DNAH5: variants seen among roughly 807,000 people sequenced by gnomAD.
DNAH5 encodes the protein dynein axonemal heavy chain 5, also known as axonemal beta dynein heavy chain 5.
In DNAH5, 372 loss-of-function variants were observed where a neutral mutation model predicts 518.2. The ratio of observed to expected loss-of-function variants is 0.72; its 90% CI spans 0.66 to 0.78. DNAH5 has a LOEUF of 0.78. DNAH5 is among the 30% of genes least tolerant of loss of function. The pLI is 0.00. For synonymous variants in DNAH5, 2,039 were observed against 2,025.9 expected (o/e 1.01, Z -0.17); for missense variants, 5,523 against 5,687.0 (o/e 0.97, Z 0.93).
At position 13,963,063 on chromosome 5, in the gene DNAH5, T is replaced by C. The variant is rs555559429; in HGVS notation, c.13-31819A>G. ...GCCACCTTCTCCCTCTCCCTGTGTT[T>C]ATACTGTTCCTATCACTGCTTGGAT... On this transcript the variant is annotated intron_variant, in intron 1 of 78. Transcript: ENST00000681290. 5.7e-4 allele frequency among the ~76,000 whole-genome samples: 86 copies of C among 152,196 alleles called. 1 individual carries two copies. The South Asian group carries it at 0.014, about 25-fold the overall frequency.
At chr5:13,966,712 A>AT (rs1311732280) in intron 1 of DNAH5, among the ~76,000 whole-genome samples, 3 of 151,470 alleles carry the variant, frequency 2.0e-5, no homozygotes, top group Non-Finnish European at 4.4e-5. Flanking sequence ...GGATTGTTTG[A>AT]TTTTTTCTTG....
chr5:13,760,834 G>T (rs9688229), intron 60 of DNAH5, among the ~76,000 whole-genome samples: 46,821 of 151,984 alleles, frequency 0.31, 7,721 homozygotes, highest in South Asian at 0.44. Flanking sequence ...AGTTAAAGTC[G>T]TAGGTCTGAA....
chr5:13,898,192 C>T (rs1774149973), intron 15 of DNAH5: 1 of 174,534 alleles, frequency 5.7e-6, no homozygotes, highest in Admixed American at 6.3e-5. Flanking sequence ...TATGCAAGCC[C>T]CACTCAAGTT....
chr5:13,807,575 A>T lies in DNAH5; in HGVS notation c.7887+16T>A, dbSNP rs1759818770. The T allele has an allele frequency of 6.2e-7, 1 of 1,612,722 alleles. No homozygotes were observed. The highest frequency in any genetic ancestry group is 1.7e-5 in the Admixed American group (1 of 59,972). ...CACAAAATTGGGCTTACTGAGCCAT[A>T]CCAAAGAGCCAGTACCTGGAACATC... On this transcript the variant is annotated intron_variant, in intron 47 of 78. Coordinates refer to ENST00000265104, the MANE Select transcript of DNAH5 (RefSeq NM_001369.3).
intron 51 of DNAH5, among the ~76,000 whole-genome samples, chr5:13,788,025 A>G (rs1347077959): frequency 6.6e-6 from 1 of 152,198 alleles, no homozygotes; most frequent in African/African-American, 2.4e-5. Flanking sequence ...AACTAAGCCT[A>G]GTTACTTCTG....
Position 13,716,352 on chromosome 5 carries a change from C to A in DNAH5, c.12909+135G>T, listed in dbSNP as rs112104793. On this transcript the variant is annotated intron_variant, in intron 74 of 78. Coordinates refer to ENST00000265104, the MANE Select transcript of DNAH5 (RefSeq NM_001369.3). ...ATTGAGTATAAAAATATGAAGAAAG[C>A]CTTCACAGCAAAAGCATTAGTATAT... The A allele has an allele frequency of 2.5e-3, 1,756 of 689,032 alleles. 19 individuals are homozygous for A. The African/African-American group carries it at 0.028, about 11-fold the overall frequency. 42.7% of individuals were successfully genotyped at this position (689,032 alleles called of 1,614,324 possible). A position where few individuals can be genotyped will look rare whatever the true frequency, so the allele number is the denominator to read the frequency against.
chr5:13,957,778 A>G (rs1780863265), intron 1 of DNAH5, among the ~76,000 whole-genome samples: 1 of 151,688 alleles, frequency 6.6e-6, no homozygotes, highest in Non-Finnish European at 1.5e-5. Flanking sequence ...CTTTAAGATC[A>G]TTAACTGCTT....
intron 47 of DNAH5, among the ~76,000 whole-genome samples, chr5:13,795,240 C>T (rs1021811972): frequency 1.3e-5 from 2 of 151,970 alleles, no homozygotes; most frequent in South Asian, 4.2e-4. Context: ...AAAAACCCTT[C>T]AGAAATCAAT....
Position 13,718,967 on chromosome 5 carries a change from A to G in DNAH5, c.12414T>C (p.Phe4138=), listed in dbSNP as rs754273700. 9.3e-6 allele frequency: 15 copies of G among 1,614,054 alleles called. No homozygotes were observed. The African/African-American group carries it at 1.7e-4, about 19-fold the overall frequency. Residue 4138 remains phenylalanine (F), a synonymous_variant, in exon 72 of 79, where the codon TTT becomes TTC. Transcript: ENST00000265104. The part of the protein sequence containing the change: ...LWMTTEAHKQ[F]PITLLQMSIK... ...TGGACATCTGAAGGAGTGTAATGGG[A>G]AACTGCTTATGAGCCTCGGTGGTCA...
At chr5:13,711,247 A>G (rs904015222) in intron 75 of DNAH5, among the ~76,000 whole-genome samples, 5 of 152,238 alleles carry the variant, frequency 3.3e-5, no homozygotes, top group African/African-American at 1.2e-4. Context: ...CACCACATAA[A>G]CAGAATTAAA....
Position 13,707,954 on chromosome 5 carries a change from A to G in DNAH5, c.13338+169T>C, listed in dbSNP as rs76804487. ...ACCTGATTCGTGGGATTTGCTAAAA[A>G]AAAACTTCCTTCCCTACCTATGGTC... On this transcript the variant is annotated intron_variant, in intron 76 of 78. Transcript: ENST00000265104. The surrounding 1 kb of genome is among the most constrained non-coding windows in gnomAD (Gnocchi z 4.0). Among the ~76,000 whole-genome samples, 296 of 152,336 alleles carry G rather than the reference A, an allele frequency of 1.9e-3. No individual in the cohort carries two copies. Among genetic ancestry groups the G allele is most frequent in the Non-Finnish European group, 3.5e-3 (239 of 68,026 alleles).
At chr5:13,780,202 A>C (rs745465089) in intron 53 of DNAH5, among the ~76,000 whole-genome samples, 1 of 152,208 alleles carries the variant, frequency 6.6e-6, no homozygotes, top group Non-Finnish European at 1.5e-5. Context: ...TTCTCCAGGA[A>C]GTCTTTTCTA....
intron 42 of DNAH5, among the ~76,000 whole-genome samples, chr5:13,817,063 A>C (rs1761540968): frequency 6.6e-6 from 1 of 151,876 alleles, no homozygotes. Context: ...CTGAACACCA[A>C]TGTCCATCTA....
intron 68 of DNAH5, among the ~76,000 whole-genome samples, chr5:13,732,510 G>A (rs1357950173): frequency 2.6e-5 from 4 of 152,234 alleles, no homozygotes; most frequent in African/African-American, 9.6e-5. Flanking sequence ...GGGACTACAG[G>A]TGTGAGCCAC....
intron 68 of DNAH5, among the ~76,000 whole-genome samples, chr5:13,733,375 A>G (rs191760009): frequency 1.2e-4 from 19 of 152,348 alleles, no homozygotes; most frequent in Non-Finnish European, 2.4e-4. Context: ...CTATGTGGAA[A>G]TACATTTCAT....
intron 23 of DNAH5, 42 bp from the exon 24 acceptor site, chr5:13,871,044 G>A (rs778923986): frequency 4.7e-6 from 7 of 1,474,516 alleles, no homozygotes; most frequent in Admixed American, 3.5e-5. Context: ...TTAAAAACTC[G>A]AATCAGTACG....
chr5:13,729,725 T>C lies in DNAH5; in HGVS notation c.11762-165A>G, dbSNP rs114301564. 2.4e-3 allele frequency among the ~76,000 whole-genome samples: 366 copies of C among 152,300 alleles called. 1 individual carries two copies. Among genetic ancestry groups the C allele is most frequent in the African/African-American group, 8.6e-3 (358 of 41,570 alleles). ...AAACATGCAACATTTAATAAATCAA[T>C]AGATAATTTTAGAAAAAACTCATTT... is the stretch of plus-strand genomic sequence containing the variant. On this transcript the variant is annotated intron_variant, in intron 68 of 78. Transcript: ENST00000265104.
At chr5:13,944,295 A>G (rs1379158806) in intron 1 of DNAH5, 87 bp downstream of exon 1, 5 of 1,323,034 alleles carry the variant, frequency 3.8e-6, no homozygotes, top group Non-Finnish European at 5.5e-6. Flanking sequence ...GTGACTTTGA[A>G]CCTTTTTCAA....
At chr5:13,950,225 G>C (rs766059151) in intron 1 of DNAH5, among the ~76,000 whole-genome samples, 8 of 151,824 alleles carry the variant, frequency 5.3e-5, no homozygotes, top group Non-Finnish European at 7.4e-5. Flanking sequence ...CTCCATAAGA[G>C]TTTTTTTTCC....
Sources: allele counts gnomAD v4.1 joint callset (sites outside exome capture counted in the v4.1 genomes callset), GRCh38; gene constraint gnomAD v4.1.1; non-coding constraint Gnocchi (gnomAD v3.1); transcripts MANE v1.5; gene names NCBI Gene and HGNC (gene_info 2026-07-23, HGNC 2026-07-21).